LYNX1: variants seen among roughly 807,000 people sequenced by gnomAD.
LYNX1 encodes the protein ly-6/neurotoxin-like protein 1.
LYNX1 carries 8 observed loss-of-function variants against 8.3 expected under a neutral mutation model. The ratio of observed to expected loss-of-function variants is 0.97; its 90% CI spans 0.57 to 1.74. The LOEUF (loss-of-function observed/expected upper bound fraction) is 1.74. LYNX1 is among the 40% of genes most tolerant of loss of function. The pLI is 0.00. For synonymous variants in LYNX1, 73 were observed against 67.9 expected (o/e 1.08, Z -0.37); for missense variants, 158 against 159.7 (o/e 0.99, Z 0.06).
rs376011600 is a variant in LYNX1, at chr8:142,775,962, G to A, written c.-5C>T. ...CAGGGTGAGCAGGGGCGTCATGGCT[G>A]CAGGCAGGAGGGCAGCGTGGGAGTG... On this transcript the variant is annotated 5_prime_UTR_variant, in exon 2 of 4. Transcript: ENST00000652477. 1.2e-6 allele frequency: 2 copies of A among 1,613,954 alleles called. No individual in the cohort carries two copies. Among genetic ancestry groups the A allele is most frequent in the East Asian group, 2.2e-5 (1 of 44,882 alleles).
Position 142,774,772 on chromosome 8 carries a change from G to C in LYNX1, c.*395C>G. On this transcript the variant is annotated 3_prime_UTR_variant, in exon 4 of 4. Coordinates refer to ENST00000652477, the MANE Select transcript of LYNX1 (RefSeq NM_177477.4). ...ACCACCCCACCTGCGGGCATTCCTT[G>C]TCTTCCCCCTGCCCCAGCACACCAG... 1 of 1,062,130 alleles carries C rather than the reference G, an allele frequency of 9.4e-7. No individual in the cohort carries two copies. Among genetic ancestry groups the C allele is most frequent in the Non-Finnish European group, 1.1e-6 (1 of 878,386 alleles). The allele number at this position is 1,062,130 out of a possible 1,614,324, so 65.8% of individuals were successfully genotyped here. A position where few individuals can be genotyped will look rare whatever the true frequency, so the allele number is the denominator to read the frequency against.
chr8:142,776,068 C>T lies in LYNX1; in HGVS notation c.-111G>A, dbSNP rs1264715347. The stretch of plus-strand genomic sequence containing the variant: ...CCAACTCAGGGTGGTGCGCAGAGGA[C>T]GTGGGGCCGGCCCTGCCTCCCGGAG... On this transcript the variant is annotated 5_prime_UTR_variant, in exon 2 of 4. Coordinates refer to ENST00000652477, the MANE Select transcript of LYNX1 (RefSeq NM_177477.4). 4.0e-5 allele frequency: 52 copies of T among 1,293,820 alleles called. No individual in the cohort carries two copies. The highest frequency in any genetic ancestry group is 1.0e-4 in the African/African-American group (7 of 68,256). 80.1% of individuals were successfully genotyped at this position (1,293,820 alleles called of 1,614,324 possible).
At position 142,772,816 on chromosome 8, in the gene LYNX1, G is replaced by A. The variant is rs1400764689; in HGVS notation, c.*2351C>T. 2.0e-6 allele frequency: 2 copies of A among 985,770 alleles called. No homozygotes were observed. The highest frequency in any genetic ancestry group is 1.1e-4 in the East Asian group (1 of 8,808). The allele number at this position is 985,770 out of a possible 1,614,324, so 61.1% of individuals were successfully genotyped here. ...GCTGAGTGCCTTCTGTGTGCTCTAC[G>A]CCAGGTGCCAAGGGCAGGCCAGCCA... On this transcript the variant is annotated 3_prime_UTR_variant, in exon 4 of 4. Transcript: ENST00000652477.
At position 142,775,123 on chromosome 8, in the gene LYNX1, G is replaced by A. The variant is rs1335318044; in HGVS notation, c.*44C>T. 2 of 1,586,572 alleles carry A rather than the reference G, an allele frequency of 1.3e-6. No homozygotes were observed. Among genetic ancestry groups the A allele is most frequent in the Admixed American group, 1.8e-5 (1 of 56,990 alleles). On this transcript the variant is annotated 3_prime_UTR_variant, in exon 4 of 4. Transcript: ENST00000652477. Reference sequence around the variant, plus strand: ...GAGCTGGGTGCGAGGGTGTAGCAGTGTGTCTCGAGAGCTTTGTTCTTGAGT... The same window carrying A: ...GAGCTGGGTGCGAGGGTGTAGCAGTATGTCTCGAGAGCTTTGTTCTTGAGT...
rs878949291 is a variant in LYNX1, at chr8:142,775,306, G to A, written c.212C>T (p.Thr71Ile). 3.1e-6 allele frequency: 5 copies of A among 1,614,032 alleles called. No homozygotes were observed. The highest frequency in any genetic ancestry group is 4.2e-6 in the Non-Finnish European group (5 of 1,179,994). Reference sequence around the variant, plus strand: ...GTGCTTGGAGTAGCCATCATACACAGTCTCGAAGCAGCGGGGCACGCAGGA... The same window carrying A: ...GTGCTTGGAGTAGCCATCATACACAATCTCGAAGCAGCGGGGCACGCAGGA... ...SKSCVPRCFE[T>I]VYDGYSKHAS... is the part of the protein sequence containing the mutation. The change falls in exon 4 of 4, where the codon ACT (threonine) becomes ATT (isoleucine). Residue 71 changes from threonine (T) to isoleucine (I), a missense_variant. By Grantham distance (89) the Thr-to-Ile change is moderately conservative. Transcript: ENST00000652477.
chr8:142,771,544 G>C lies in LYNX1; in HGVS notation c.*3623C>G. ...CCCTTCTGTCTGGGAGGCTCCTTAA[G>C]GCTGGGGAGGGCCCAGAGGGAAGGA... On this transcript the variant is annotated 3_prime_UTR_variant, in exon 4 of 4. Coordinates refer to ENST00000652477, the MANE Select transcript of LYNX1 (RefSeq NM_177477.4). The C allele has an allele frequency of 2.0e-6, 2 of 985,502 alleles. No homozygotes were observed. Among genetic ancestry groups the C allele is most frequent in the Non-Finnish European group, 2.4e-6 (2 of 829,990 alleles). The allele number at this position is 985,502 out of a possible 1,614,324, so 61.0% of individuals were successfully genotyped here.
intron 1 of LYNX1, chr8:142,776,357 G>T: frequency 3.6e-6 from 1 of 276,398 alleles, no homozygotes; most frequent in Non-Finnish European, 7.2e-6. Flanking sequence ...ATGGAGGAGA[G>T]ATGGGGGGAG....
In LYNX1 at chr8:142,772,213, A is replaced by ATCT; in HGVS notation, c.*2953_*2954insAGA. On this transcript the variant is annotated 3_prime_UTR_variant, in exon 4 of 4. Transcript: ENST00000652477. ...GACTCAGGTCCACACAGACAGTGGC[A>ATCT]ACAGCTAGCCCTGGGCATCTACCCC... The ATCT allele has an allele frequency of 1.0e-6, 1 of 986,016 alleles. No individual in the cohort carries two copies. The highest frequency in any genetic ancestry group is 1.2e-6 in the Non-Finnish European group (1 of 830,022). 61.1% of individuals were successfully genotyped at this position (986,016 alleles called of 1,614,324 possible).
At position 142,776,342 on chromosome 8, in the gene LYNX1, G is replaced by T. The variant is rs1227876043; in HGVS notation, c.-164-221C>A. On this transcript the variant is annotated intron_variant, in intron 1 of 3. Coordinates refer to ENST00000652477, the MANE Select transcript of LYNX1 (RefSeq NM_177477.4). The stretch of plus-strand genomic sequence containing the variant: ...GCAAAAGCTCAAAACAGCCTGTAGC[G>T]CTGGATGGAGGAGAGATGGGGGGAG... 1.7e-5 allele frequency: 5 copies of T among 302,010 alleles called. No homozygotes were observed. In the East Asian group the frequency reaches 2.9e-4, roughly 18 times the overall value. 18.7% of individuals were successfully genotyped at this position (302,010 alleles called of 1,614,324 possible).
chr8:142,775,368 A>C lies in LYNX1; in HGVS notation c.155-5T>G. 1 of 1,612,460 alleles carries C rather than the reference A, an allele frequency of 6.2e-7. No individual in the cohort carries two copies. Among genetic ancestry groups the C allele is most frequent in the Non-Finnish European group, 8.5e-7 (1 of 1,179,338 alleles). On this transcript the variant is annotated splice_region_variant and splice_polypyrimidine_tract_variant and intron_variant, in intron 3 of 3. Coordinates refer to ENST00000652477, the MANE Select transcript of LYNX1 (RefSeq NM_177477.4). ...TCATCCTGGTGGGGGTGTAGTCTGCAGAGGGGCGGGGCGGTGAGCCAGCTC... is the reference window on the plus strand; with the variant it reads ...TCATCCTGGTGGGGGTGTAGTCTGCCGAGGGGCGGGGCGGTGAGCCAGCTC...
chr8:142,775,336 C>T lies in LYNX1; in HGVS notation c.182G>A (p.Ser61Asn), dbSNP rs1815366806. 1 of 1,613,736 alleles carries T rather than the reference C, an allele frequency of 6.2e-7. No individual in the cohort carries two copies. The highest frequency in any genetic ancestry group is 8.5e-7 in the Non-Finnish European group (1 of 1,179,974). ...TYYTPTRMKV[S>N]KSCVPRCFET... is the part of the protein sequence containing the mutation. ...GAAGCAGCGGGGCACGCAGGACTTACTGACCTTCATCCTGGTGGGGGTGTA... is the reference window on the plus strand; with the variant it reads ...GAAGCAGCGGGGCACGCAGGACTTATTGACCTTCATCCTGGTGGGGGTGTA... The change falls in exon 4 of 4, where the codon AGT (serine) becomes AAT (asparagine). Residue 61 changes from serine to asparagine, a missense_variant. Coordinates refer to ENST00000652477, the MANE Select transcript of LYNX1 (RefSeq NM_177477.4).
upstream of LYNX1, chr8:142,777,636 C>T (rs898495616): frequency 5.1e-6 from 2 of 395,598 alleles, no homozygotes; most frequent in Admixed American, 8.8e-5. Context: ...GGCCTCGGCC[C>T]GGACCCGTCC....
intron 2 of LYNX1, 30 bp from the exon 3 acceptor site, chr8:142,775,724 C>CG (rs769054332): frequency 6.4e-7 from 1 of 1,563,780 alleles, no homozygotes; most frequent in South Asian, 1.2e-5. Flanking sequence ...GGGAAGGGAA[C>CG]GGGGGTCACA....
rs764854150 is a variant in LYNX1 at position 142,775,279 on chromosome 8, G to C, written c.239C>G (p.Ala80Gly). The change falls in exon 4 of 4, where the codon GCG becomes GGG. Residue 80 changes from alanine to glycine, a missense_variant. By Grantham distance (60) the Ala-to-Gly change is moderately conservative. Coordinates refer to ENST00000652477, the MANE Select transcript of LYNX1 (RefSeq NM_177477.4). ...ETVYDGYSKH[A>G]STTSCCQYDL... ...GTACTGGCAGCAGGAGGTGGTGGAC[G>C]CGTGCTTGGAGTAGCCATCATACAC... The C allele has an allele frequency of 1.9e-6, 3 of 1,614,060 alleles. No homozygotes were observed. The highest frequency in any genetic ancestry group is 1.7e-6 in the Non-Finnish European group (2 of 1,180,004).
chr8:142,776,376 G>T (rs1317302064), intron 1 of LYNX1: 2 of 262,624 alleles, frequency 7.6e-6, no homozygotes, highest in Non-Finnish European at 1.5e-5. Context: ...AGGATGAGGG[G>T]CAGTGCTAGA....
chr8:142,775,630 G>A lies in LYNX1; in HGVS notation c.117C>T (p.Cys39=). 6.2e-7 allele frequency: 1 copy of A among 1,602,370 alleles called. No homozygotes were observed. ...NGDNCFNPMR[C]PAMVAYCMTT... ...TCATGCAGTAGGCAACCATAGCCGG[G>A]CAGCGCATGGGGTTGAAGCAGTTGT... The change falls in exon 3 of 4, where the codon TGC becomes TGT. Residue 39 remains cysteine (C), a synonymous_variant. Transcript: ENST00000652477.
Position 142,771,553 on chromosome 8 carries a change from G to A in LYNX1, c.*3614C>T, listed in dbSNP as rs901391432. 5 of 985,342 alleles carry A rather than the reference G, an allele frequency of 5.1e-6. No homozygotes were observed. In the East Asian group the frequency reaches 5.7e-4, roughly 112 times the overall value. 61.0% of individuals were successfully genotyped at this position (985,342 alleles called of 1,614,324 possible). ...CTGGGAGGCTCCTTAAGGCTGGGGA[G>A]GGCCCAGAGGGAAGGAGATCCTGAG... On this transcript the variant is annotated 3_prime_UTR_variant, in exon 4 of 4. Coordinates refer to ENST00000652477, the MANE Select transcript of LYNX1 (RefSeq NM_177477.4).
At chr8:142,775,520 G>A (rs587673561) in intron 3 of LYNX1, 73 bp downstream of exon 3, 18 of 1,551,886 alleles carry the variant, frequency 1.2e-5, no homozygotes, top group African/African-American at 4.1e-5. Flanking sequence ...CAGGACCCCC[G>A]CATGCTCAGG....
rs758536417 is a variant in LYNX1 at position 142,774,994 on chromosome 8, G to A, written c.*173C>T. 5 of 1,435,390 alleles carry A rather than the reference G, an allele frequency of 3.5e-6. No individual in the cohort carries two copies. Among genetic ancestry groups the A allele is most frequent in the Non-Finnish European group, 4.5e-6 (5 of 1,099,260 alleles). 88.9% of individuals were successfully genotyped at this position (1,435,390 alleles called of 1,614,324 possible). On this transcript the variant is annotated 3_prime_UTR_variant, in exon 4 of 4. Coordinates refer to ENST00000652477, the MANE Select transcript of LYNX1 (RefSeq NM_177477.4). ...CATCGAAAGGTCAAGGCCTCGAAGT[G>A]AGGTCGTGTGGTGGTTGGGGGAGGT...
Sources: allele counts gnomAD v4.1 joint callset, GRCh38; gene constraint gnomAD v4.1.1; transcripts MANE v1.5; gene names NCBI Gene and HGNC (gene_info 2026-07-23, HGNC 2026-07-21).